RGL2: variants seen among roughly 807,000 people sequenced by gnomAD.
RGL2 encodes ral guanine nucleotide dissociation stimulator-like 2.
A neutral mutation model predicts 84.6 loss-of-function variants in RGL2; 40 were observed. That is an observed-to-expected ratio of 0.47 (90% CI 0.37 to 0.62). The LOEUF (loss-of-function observed/expected upper bound fraction) is 0.62. Ranked by LOEUF, RGL2 falls within the 20% of genes least tolerant of loss-of-function variation. The pLI is 0.00. For synonymous variants in RGL2, 369 were observed against 417.3 expected (o/e 0.88, Z 1.41); for missense variants, 865 against 1,019.7 (o/e 0.85, Z 2.07).
rs1397203405 is a variant in RGL2 at position 33,295,163 on chromosome 6, C to T, written c.1173G>A (p.Glu391=). Residue 391 remains glutamate, a synonymous_variant, in exon 9 of 18, where the codon GAG becomes GAA. Coordinates refer to ENST00000497454, the MANE Select transcript of RGL2 (RefSeq NM_004761.5). This position sits in a 1 kb window ranked among gnomAD's most constrained non-coding sequence, Gnocchi z 7.2. ...GCTCCCGACTCTGGGAATAATTATC[C>T]TCCTCGGAGAAAATCTGGCAGAGGC... ...FSSLCQIFSE[E]DNYSQSRELL... 3.7e-6 allele frequency: 6 copies of T among 1,607,740 alleles called. No homozygotes were observed. The highest frequency in any genetic ancestry group is 5.1e-6 in the Non-Finnish European group (6 of 1,176,898).
chr6:33,295,892 A>G lies in RGL2; in HGVS notation c.769-133T>C. 6.9e-7 allele frequency: 1 copy of G among 1,440,240 alleles called. No homozygotes were observed. The highest frequency in any genetic ancestry group is 9.6e-7 in the Non-Finnish European group (1 of 1,046,134). The allele number at this position is 1,440,240 out of a possible 1,614,324, so 89.2% of individuals were successfully genotyped here. A position where few individuals can be genotyped will look rare whatever the true frequency, so the allele number is the denominator to read the frequency against. ...TTTGAAGGGTAACGACCAAAGGGAA[A>G]AGGGGAGAATCAAAATGGTAGGTGG... On this transcript the variant is annotated intron_variant, in intron 6 of 17. Coordinates refer to ENST00000497454, the MANE Select transcript of RGL2 (RefSeq NM_004761.5). This position sits in a 1 kb window ranked among gnomAD's most constrained non-coding sequence, Gnocchi z 7.2.
At chr6:33,301,504 G>A, upstream of RGL2, 2 of 491,644 alleles carry the variant, frequency 4.1e-6, no homozygotes, top group Non-Finnish European at 7.2e-6. Context: ...AACCCAGGAG[G>A]CGGAGGTTGC....
Position 33,297,181 on chromosome 6 carries a change from C to T in RGL2, c.157-66G>A. 7.9e-7 allele frequency: 1 copy of T among 1,262,728 alleles called. No individual in the cohort carries two copies. The highest frequency in any genetic ancestry group is 1.1e-6 in the Non-Finnish European group (1 of 904,778). 78.2% of individuals were successfully genotyped at this position (1,262,728 alleles called of 1,614,324 possible). A position where few individuals can be genotyped will look rare whatever the true frequency, so the allele number is the denominator to read the frequency against. ...ACCCCCCATTGCCCTCAGCCTTCAC[C>T]CCAGGCCCTGCTCCTCCCTCTGTAC... is the stretch of plus-strand genomic sequence containing the variant. On this transcript the variant is annotated intron_variant, in intron 2 of 17. Coordinates refer to ENST00000497454, the MANE Select transcript of RGL2 (RefSeq NM_004761.5). This position sits in a 1 kb window ranked among gnomAD's most constrained non-coding sequence, Gnocchi z 4.0.
In RGL2 at chr6:33,296,590, ACT is replaced by A. The variant is rs767815774; in HGVS notation, c.419+6_419+7del. 1.2e-6 allele frequency: 2 copies of A among 1,611,326 alleles called. No individual in the cohort carries two copies. Among genetic ancestry groups the A allele is most frequent in the South Asian group, 2.2e-5 (2 of 90,742 alleles). ...ACTCCACTACCCTGCGTCCCTTATGACTCTGACCTGTCAGCCATAAGCCCTAG... is the reference window on the plus strand; with the variant it reads ...ACTCCACTACCCTGCGTCCCTTATGACTGACCTGTCAGCCATAAGCCCTAG... On this transcript the variant is annotated splice_donor_region_variant and intron_variant, in intron 4 of 17. Transcript: ENST00000497454. This position sits in a 1 kb window ranked among gnomAD's most constrained non-coding sequence, Gnocchi z 5.0.
rs546884658 is a variant in RGL2 at position 33,296,158 on chromosome 6, G to A, written c.638C>T (p.Ser213Phe). The A allele has an allele frequency of 1.9e-6, 3 of 1,613,994 alleles. No individual in the cohort carries two copies. In the East Asian group the frequency reaches 6.7e-5, roughly 36 times the overall value. The change falls in exon 6 of 18, where the codon TCC becomes TTC. Residue 213 changes from serine (S) to phenylalanine (F), a missense_variant. Transcript: ENST00000497454. This position sits in a 1 kb window ranked among gnomAD's most constrained non-coding sequence, Gnocchi z 5.0. Reference sequence around the variant, plus strand: ...GTCGGGGGCCTGGGGGTCCACCCGGGACCGGAGATTGCGGATGAGGTCAGC... The same window carrying A: ...GTCGGGGGCCTGGGGGTCCACCCGGAACCGGAGATTGCGGATGAGGTCAGC... ...GSADLIRNLRSRVDPQAPDLP... is the reference protein window; with the variant it reads ...GSADLIRNLRFRVDPQAPDLP...
Position 33,296,624 on chromosome 6 carries a change from A to G in RGL2, c.393T>C (p.Pro131=). Residue 131 remains proline (P), a synonymous_variant, in exon 4 of 18, where the codon CCT becomes CCC. Coordinates refer to ENST00000497454, the MANE Select transcript of RGL2 (RefSeq NM_004761.5). This position sits in a 1 kb window ranked among gnomAD's most constrained non-coding sequence, Gnocchi z 5.0. ...TGTCAGCCATAAGCCCTAGCAAGGC[A>G]GGCGTGGAGGTGAAGGCCCGGTGGG... ...LATHRAFTST[P]ALLGLMADRL... is the part of the protein sequence containing the mutation. The G allele has an allele frequency of 6.2e-7, 1 of 1,613,784 alleles. No homozygotes were observed. Among genetic ancestry groups the G allele is most frequent in the Non-Finnish European group, 8.5e-7 (1 of 1,179,978 alleles).
At chr6:33,299,795 C>G (rs1312739731), upstream of RGL2, 4 of 152,402 alleles carry the variant, frequency 2.6e-5, no homozygotes. The surrounding 1 kb of genome is among the most constrained non-coding windows in gnomAD (Gnocchi z 5.0). Context: ...GCTGCGCCGC[C>G]GCTTCCTTCG....
chr6:33,293,585 C>T lies in RGL2; in HGVS notation c.1604+19G>A, dbSNP rs761947625. 1.9e-6 allele frequency: 3 copies of T among 1,613,292 alleles called. No homozygotes were observed. The highest frequency in any genetic ancestry group is 2.2e-5 in the South Asian group (2 of 90,986). The stretch of plus-strand genomic sequence containing the variant: ...GTGGAAGTCCCAAGAAACCACCCCC[C>T]AGCCAGTGAATCTCTCACTCTGTCC... On this transcript the variant is annotated intron_variant, in intron 14 of 17. Coordinates refer to ENST00000497454, the MANE Select transcript of RGL2 (RefSeq NM_004761.5). This position sits in a 1 kb window ranked among gnomAD's most constrained non-coding sequence, Gnocchi z 7.0.
chr6:33,295,231 G>T lies in RGL2; in HGVS notation c.1125-20C>A. On this transcript the variant is annotated intron_variant, in intron 8 of 17. Transcript: ENST00000497454. The surrounding 1 kb of genome is among the most constrained non-coding windows in gnomAD (Gnocchi z 7.2). ...CTGTCCCTGGGGAAGGGAGAAAAGTGGCCCTGAGGACAGGCCTGGCTCTGT... is the reference window on the plus strand; with the variant it reads ...CTGTCCCTGGGGAAGGGAGAAAAGTTGCCCTGAGGACAGGCCTGGCTCTGT... 6.3e-7 allele frequency: 1 copy of T among 1,589,080 alleles called. No homozygotes were observed. Among genetic ancestry groups the T allele is most frequent in the Non-Finnish European group, 8.6e-7 (1 of 1,166,652 alleles).
At chr6:33,299,517 C>A (rs143351413), upstream of RGL2, among the ~76,000 whole-genome samples, 2 of 152,122 alleles carry the variant, frequency 1.3e-5, no homozygotes, top group South Asian at 2.1e-4. The surrounding 1 kb of genome is among the most constrained non-coding windows in gnomAD (Gnocchi z 5.0). Context: ...CCCGTCGGCT[C>A]GGTGTATCCT....
At position 33,292,663 on chromosome 6, in the gene RGL2, G is replaced by A. The variant is rs1767526624; in HGVS notation, c.2008-119C>T. The A allele has an allele frequency of 1.9e-4, 168 of 876,982 alleles. 4 individuals carry two copies. The South Asian group carries it at 2.6e-3, about 13-fold the overall frequency. 54.3% of individuals were successfully genotyped at this position (876,982 alleles called of 1,614,324 possible). On this transcript the variant is annotated intron_variant, in intron 16 of 17. Coordinates refer to ENST00000497454, the MANE Select transcript of RGL2 (RefSeq NM_004761.5). Reference sequence around the variant, plus strand: ...GTGTCCAAGGCTTTAAAATGAACAGGAAAACCCAATATGGTGGCTTCCTAT... The same window carrying A: ...GTGTCCAAGGCTTTAAAATGAACAGAAAAACCCAATATGGTGGCTTCCTAT...
rs1006628231 is a variant in RGL2, at chr6:33,298,810, T to C, written c.-42+60A>G. On this transcript the variant is annotated intron_variant, in intron 1 of 17. Transcript: ENST00000497454. The surrounding 1 kb of genome is among the most constrained non-coding windows in gnomAD (Gnocchi z 4.8). ...AAGGGTGGAATAGGGGGGCCCTTGG[T>C]GCTGTTGGGGAAGGAGGAGGTCACG... is the stretch of plus-strand genomic sequence containing the variant. The C allele has an allele frequency of 1.3e-5, 5 of 376,328 alleles. No individual in the cohort carries two copies. The highest frequency in any genetic ancestry group is 4.7e-5 in the East Asian group (1 of 21,474). The allele number at this position is 376,328 out of a possible 1,614,324, so 23.3% of individuals were successfully genotyped here.
rs1447333273 is a variant in RGL2, at chr6:33,298,400, A to G, written c.156+55T>C. On this transcript the variant is annotated intron_variant, in intron 2 of 17. Coordinates refer to ENST00000497454, the MANE Select transcript of RGL2 (RefSeq NM_004761.5). The surrounding 1 kb of genome is among the most constrained non-coding windows in gnomAD (Gnocchi z 4.8). Reference sequence around the variant, plus strand: ...ATGTAGGGACCCAGAGACAAGAGAAAAGTGGAGACTTCAGAAATACATACG... The same window carrying G: ...ATGTAGGGACCCAGAGACAAGAGAAGAGTGGAGACTTCAGAAATACATACG... 4.2e-6 allele frequency: 4 copies of G among 963,790 alleles called. No homozygotes were observed. The highest frequency in any genetic ancestry group is 3.4e-5 in the African/African-American group (2 of 58,148). The allele number at this position is 963,790 out of a possible 1,614,324, so 59.7% of individuals were successfully genotyped here.
chr6:33,298,807 T>G lies in RGL2; in HGVS notation c.-42+63A>C. 24 of 274,928 alleles carry G rather than the reference T, an allele frequency of 8.7e-5. No homozygotes were observed. The highest frequency in any genetic ancestry group is 1.1e-4 in the Non-Finnish European group (17 of 153,774). The allele number at this position is 274,928 out of a possible 1,614,324, so 17.0% of individuals were successfully genotyped here. Reference sequence around the variant, plus strand: ...CAGAAGGGTGGAATAGGGGGGCCCTTGGTGCTGTTGGGGAAGGAGGAGGTC... The same window carrying G: ...CAGAAGGGTGGAATAGGGGGGCCCTGGGTGCTGTTGGGGAAGGAGGAGGTC... On this transcript the variant is annotated intron_variant, in intron 1 of 17. Coordinates refer to ENST00000497454, the MANE Select transcript of RGL2 (RefSeq NM_004761.5). The surrounding 1 kb of genome is among the most constrained non-coding windows in gnomAD (Gnocchi z 4.8).
Position 33,294,102 on chromosome 6 carries a change from C to G in RGL2, c.1354-36G>C. The G allele has an allele frequency of 6.3e-7, 1 of 1,597,838 alleles. No individual in the cohort carries two copies. The highest frequency in any genetic ancestry group is 8.5e-7 in the Non-Finnish European group (1 of 1,170,372). On this transcript the variant is annotated intron_variant, in intron 11 of 17. Transcript: ENST00000497454. This position sits in a 1 kb window ranked among gnomAD's most constrained non-coding sequence, Gnocchi z 5.0. ...AATGGGGATGGGGTGAAAGTTCCAACCCTACCTTCCGGCCACAGAGAGAGA... is the reference window on the plus strand; with the variant it reads ...AATGGGGATGGGGTGAAAGTTCCAAGCCTACCTTCCGGCCACAGAGAGAGA...
In RGL2 at chr6:33,298,178, C is replaced by G. The variant is rs1581724964; in HGVS notation, c.156+277G>C. 1 of 367,174 alleles carries G rather than the reference C, an allele frequency of 2.7e-6. No individual in the cohort carries two copies. 22.7% of individuals were successfully genotyped at this position (367,174 alleles called of 1,614,324 possible). On this transcript the variant is annotated intron_variant, in intron 2 of 17. Coordinates refer to ENST00000497454, the MANE Select transcript of RGL2 (RefSeq NM_004761.5). The surrounding 1 kb of genome is among the most constrained non-coding windows in gnomAD (Gnocchi z 4.8). ...GCTCAGAGAGGTAGGCACACTCAGGCAGGCAGAGGTGGAGGGCCAAAGACC... is the reference window on the plus strand; with the variant it reads ...GCTCAGAGAGGTAGGCACACTCAGGGAGGCAGAGGTGGAGGGCCAAAGACC...
chr6:33,293,058 C>A lies in RGL2; in HGVS notation c.1965G>T (p.Gln655His), dbSNP rs759102053. Residue 655 changes from glutamine to histidine, a missense_variant, in exon 16 of 18, where the codon CAG becomes CAT. Physicochemically the swap from Gln to His is conservative, Grantham distance 24. Transcript: ENST00000497454. The surrounding 1 kb of genome is among the most constrained non-coding windows in gnomAD (Gnocchi z 7.0). ...CACTGCCATCTTCCCCCAACTCCAT[C>A]TGGACTCGGATGATACGGCAATCAG... ...GASDCRIIRV[Q>H]MELGEDGSVY... The A allele has an allele frequency of 1.2e-6, 2 of 1,614,200 alleles. No homozygotes were observed. The highest frequency in any genetic ancestry group is 1.7e-6 in the Non-Finnish European group (2 of 1,180,052).
In RGL2 at chr6:33,295,393, T is replaced by C; in HGVS notation, c.1050A>G (p.Ser350=). 6.2e-7 allele frequency: 1 copy of C among 1,610,128 alleles called. No individual in the cohort carries two copies. Among genetic ancestry groups the C allele is most frequent in the Non-Finnish European group, 8.5e-7 (1 of 1,178,892 alleles). ...EECRLLRNFS[S]VYAVVSALQS... is the part of the protein sequence containing the mutation. ...GCAGGGCTGACACCACGGCATAAAC[T>C]GAAGAGAAGTTTCGGAGCAGCCGGC... The change falls in exon 8 of 18, where the codon TCA becomes TCG. Residue 350 remains serine (S), a synonymous_variant. Coordinates refer to ENST00000497454, the MANE Select transcript of RGL2 (RefSeq NM_004761.5). This position sits in a 1 kb window ranked among gnomAD's most constrained non-coding sequence, Gnocchi z 7.2.
intron 16 of RGL2, 96 bp from the exon 17 acceptor site, chr6:33,292,640 G>C: frequency 9.7e-7 from 1 of 1,033,524 alleles, no homozygotes; most frequent in Non-Finnish European, 1.5e-6. Context: ...TGTTACTTGT[G>C]TCCAAGGCTT....
Sources: gnomAD v4.1 joint callset for allele counts (sites outside exome capture counted in the v4.1 genomes callset) on GRCh38, gnomAD v4.1.1 for gene constraint, Gnocchi (gnomAD v3.1) non-coding constraint, MANE v1.5 for transcripts, NCBI Gene and HGNC (gene_info 2026-07-23, HGNC 2026-07-21) for gene names.